The following LAMA2 variants were observed in gnomAD, a reference collection of about 807,000 sequenced individuals.
The protein encoded by LAMA2 is laminin subunit alpha-2.
LAMA2 carries 269 observed loss-of-function variants against 364.8 expected under a neutral mutation model. The ratio of observed to expected loss-of-function variants is 0.74; its 90% CI spans 0.67 to 0.82. The LOEUF (loss-of-function observed/expected upper bound fraction) is 0.82. Ranked by LOEUF, LAMA2 falls within the 40% of genes least tolerant of loss-of-function variation. The pLI, the probability that LAMA2 is intolerant of heterozygous loss-of-function variation, is 0.00. For synonymous variants in LAMA2, 1,379 were observed against 1,370.6 expected (o/e 1.01, Z -0.14); for missense variants, 3,807 against 3,873.2 (o/e 0.98, Z 0.45).
intron 10 of LAMA2, among the ~76,000 whole-genome samples, chr6:129,186,729 C>G (rs1781250186): frequency 6.6e-6 from 1 of 151,778 alleles, no homozygotes; most frequent in African/African-American, 2.4e-5. Flanking sequence ...CTGTACCCCT[C>G]TTACAGCAGT....
intron 40 of LAMA2, among the ~76,000 whole-genome samples, chr6:129,425,561 TTC>T (rs1781287148): frequency 6.6e-6 from 1 of 152,022 alleles, no homozygotes. Context: ...ATAGTTATTT[TTC>T]TCTGTTTCTC....
chr6:129,412,059 G>GA (rs148285138), intron 40 of LAMA2, among the ~76,000 whole-genome samples: 1,996 of 151,840 alleles, frequency 0.013, 53 homozygotes, highest in African/African-American at 0.046. Flanking sequence ...ATTAAACATT[G>GA]AAAAAAAATC....
At chr6:129,384,548 A>G (rs890279416) in intron 35 of LAMA2, among the ~76,000 whole-genome samples, 2 of 152,188 alleles carry the variant, frequency 1.3e-5, no homozygotes, top group South Asian at 2.1e-4. Flanking sequence ...GTTCTCTGCA[A>G]TGAACCTTCC....
At chr6:129,433,666 G>A (rs10872343) in intron 41 of LAMA2, among the ~76,000 whole-genome samples, 77,761 of 151,856 alleles carry the variant, frequency 0.51, 20,710 homozygotes, top group African/African-American at 0.67. Context: ...TATAAAAATC[G>A]TCCCGATATT....
intron 51 of LAMA2, among the ~76,000 whole-genome samples, chr6:129,466,180 T>C (rs576945926): frequency 6.6e-5 from 10 of 152,072 alleles, no homozygotes; most frequent in Admixed American, 6.6e-4. Flanking sequence ...AGTTCTAAGT[T>C]CTTGCCTTCA....
At chr6:129,083,147 A>G (rs567851591) in intron 3 of LAMA2, among the ~76,000 whole-genome samples, 6 of 152,138 alleles carry the variant, frequency 3.9e-5, no homozygotes, top group Non-Finnish European at 7.3e-5. Flanking sequence ...CACACTAATA[A>G]AGATAAAAAT....
chr6:129,342,477 A>G lies in LAMA2; in HGVS notation c.4436+10A>G, dbSNP rs1776323319. On this transcript the variant is annotated intron_variant, in intron 30 of 64. Transcript: ENST00000421865. ...TTTCTTCCAGTAACAAGTAAGATTG[A>G]GAAATATAACCATATTTCCCAATCA... 1 of 1,612,078 alleles carries G rather than the reference A, an allele frequency of 6.2e-7. No homozygotes were observed. Among genetic ancestry groups the G allele is most frequent in the African/African-American group, 1.3e-5 (1 of 75,000 alleles).
intron 1 of LAMA2, among the ~76,000 whole-genome samples, chr6:128,985,240 T>A (rs1286959658): frequency 3.3e-5 from 5 of 152,150 alleles, no homozygotes; most frequent in Non-Finnish European, 5.9e-5. Flanking sequence ...TGAAGGGTGC[T>A]GTTGTAAAAT....
At chr6:129,167,731 G>C (rs896860884) in intron 9 of LAMA2, among the ~76,000 whole-genome samples, 14 of 152,182 alleles carry the variant, frequency 9.2e-5, no homozygotes, top group African/African-American at 2.6e-4. Flanking sequence ...CCTGAGGAAT[G>C]GCCACACTGA....
intron 1 of LAMA2, among the ~76,000 whole-genome samples, chr6:129,013,386 G>A (rs1784886157): frequency 6.6e-6 from 1 of 151,988 alleles, no homozygotes; most frequent in Non-Finnish European, 1.5e-5. Context: ...GCAGGGAGCC[G>A]AGATCGCGCC....
intron 3 of LAMA2, 121 bp from the exon 4 acceptor site, chr6:129,098,052 T>C (rs955216586): frequency 1.8e-6 from 2 of 1,132,706 alleles, no homozygotes; most frequent in Admixed American, 1.9e-5. Context: ...TCAGAGAACA[T>C]TATAAGATTA....
Position 129,454,153 on chromosome 6 carries a change from A to G in LAMA2, c.6574-2A>G. ...TCTTGTTTTTGTATTTCTCTGAACT[A>G]GATTGACTTTCTGGCTATAGAAATG... On this transcript the variant is annotated splice_acceptor_variant, in intron 46 of 64. Transcript: ENST00000421865. LOFTEE classifies it high-confidence loss of function. 2 of 1,611,800 alleles carry G rather than the reference A, an allele frequency of 1.2e-6. No individual in the cohort carries two copies. The highest frequency in any genetic ancestry group is 1.7e-6 in the Non-Finnish European group (2 of 1,178,148).
chr6:128,912,980 G>C (rs752901464), intron 1 of LAMA2, among the ~76,000 whole-genome samples: 2 of 150,976 alleles, frequency 1.3e-5, no homozygotes, highest in Non-Finnish European at 2.9e-5. Context: ...GTTAAAACAG[G>C]GTTGACAAAT....
chr6:129,503,387 G>T, intron 60 of LAMA2, 107 bp downstream of exon 60: 1 of 1,008,426 alleles, frequency 9.9e-7, no homozygotes, highest in Admixed American at 1.9e-5. Flanking sequence ...ACTGACTCTG[G>T]CAGAAGCTAA....
rs9375628 is a variant in LAMA2 at position 129,453,311 on chromosome 6, G to T, written c.6573+180G>T. Among the ~76,000 whole-genome samples the T allele has an allele frequency of 0.15, 22,578 of 152,080 alleles. 1,765 individuals carry two copies. The highest frequency in any genetic ancestry group is 0.21 in the East Asian group (1,097 of 5,168). Reference sequence around the variant, plus strand: ...CTGAAGAGTCAAATTAAGTTAGAAGGCAAATGAAAGGAAGAAAACTACAGT... The same window carrying T: ...CTGAAGAGTCAAATTAAGTTAGAAGTCAAATGAAAGGAAGAAAACTACAGT... On this transcript the variant is annotated intron_variant, in intron 46 of 64. Transcript: ENST00000421865.
intron 4 of LAMA2, among the ~76,000 whole-genome samples, chr6:129,111,999 A>G (rs1037181112): frequency 2.6e-5 from 4 of 151,954 alleles, no homozygotes; most frequent in Non-Finnish European, 4.4e-5. Context: ...TTCCACATAG[A>G]CACACTCTGT....
intron 34 of LAMA2, among the ~76,000 whole-genome samples, chr6:129,371,067 C>T (rs1314395923): frequency 6.6e-6 from 1 of 152,092 alleles, no homozygotes; most frequent in Non-Finnish European, 1.5e-5. Context: ...GCATTTATCT[C>T]ATATTAATTT....
chr6:129,007,365 G>A (rs2114687708), intron 1 of LAMA2, among the ~76,000 whole-genome samples: 1 of 152,206 alleles, frequency 6.6e-6, no homozygotes, highest in East Asian at 1.9e-4. Context: ...TGTTTCCTGA[G>A]CACCACATAG....
chr6:129,236,465 G>A (rs562106425), intron 12 of LAMA2, among the ~76,000 whole-genome samples: 4 of 152,034 alleles, frequency 2.6e-5, no homozygotes, highest in South Asian at 2.1e-4. Flanking sequence ...ATCTGAATAC[G>A]TTTTAAGAGC....
Sources: allele counts gnomAD v4.1 joint callset (sites outside exome capture counted in the v4.1 genomes callset), GRCh38; gene constraint gnomAD v4.1.1; transcripts MANE v1.5; gene names NCBI Gene and HGNC (gene_info 2026-07-23, HGNC 2026-07-21).